The following CACNA1E variants were observed in gnomAD, a reference collection of about 807,000 sequenced individuals.
CACNA1E encodes the protein voltage-dependent R-type calcium channel subunit alpha-1E.
A neutral mutation model predicts 259.2 loss-of-function variants in CACNA1E; 40 were observed. The ratio of observed to expected loss-of-function variants is 0.15; its 90% CI spans 0.12 to 0.20. CACNA1E has a LOEUF of 0.20. Ranked by LOEUF, CACNA1E falls within the 10% of genes least tolerant of loss-of-function variation. The pLI is 1.00. For missense variants in CACNA1E, 1,874 were observed against 3,040.1 expected (o/e 0.62, Z 9.02); for synonymous variants, 1,104 against 1,138.5 (o/e 0.97, Z 0.61).
At chr1:181,418,847 C>T (rs536245941) in intron 2 of CACNA1E, among the ~76,000 whole-genome samples, 1 of 151,962 alleles carries the variant, frequency 6.6e-6, no homozygotes, top group East Asian at 1.9e-4. Context: ...ATTCCACACA[C>T]GTATATGATA....
At chr1:181,764,863 C>T (rs1658891857) in intron 34 of CACNA1E, among the ~76,000 whole-genome samples, 1 of 152,000 alleles carries the variant, frequency 6.6e-6, no homozygotes, top group African/African-American at 2.4e-5. Context: ...CATATTATCA[C>T]AATCACCAAG....
intron 3 of CACNA1E, among the ~76,000 whole-genome samples, chr1:181,536,356 C>T (rs1572135402): frequency 1.3e-5 from 2 of 152,010 alleles, no homozygotes; most frequent in African/African-American, 4.8e-5. Flanking sequence ...GGGAACACTG[C>T]TCAGTTCAGT....
At position 181,425,477 on chromosome 1, in the gene CACNA1E, G is replaced by A. The variant is rs192575065; in HGVS notation, c.434+11897G>A. Among the ~76,000 whole-genome samples the A allele has an allele frequency of 2.5e-3, 365 of 145,880 alleles. 1 individual carries two copies. Among genetic ancestry groups the A allele is most frequent in the African/African-American group, 9.0e-3 (349 of 38,838 alleles). ...GAGGTGAACATAATTGGAGGAATTC[G>A]CTTTGGCCTTTTTGGCTGAAAAAAA... On this transcript the variant is annotated intron_variant, in intron 2 of 11. Coordinates refer to the CACNA1E transcript ENST00000524607.
intron 3 of CACNA1E, among the ~76,000 whole-genome samples, chr1:181,575,603 A>G (rs1196932295): frequency 1.3e-5 from 2 of 152,188 alleles, no homozygotes; most frequent in African/African-American, 4.8e-5. Flanking sequence ...GTTCTGAAAC[A>G]TAACTGTTAA....
rs760283783 is a variant in CACNA1E, at chr1:181,756,975, G to T, written c.4178G>T (p.Arg1393Leu). 6.2e-7 allele frequency: 1 copy of T among 1,613,584 alleles called. No individual in the cohort carries two copies. The highest frequency in any genetic ancestry group is 1.3e-5 in the African/African-American group (1 of 74,938). The change falls in exon 30 of 48, where the codon CGC becomes CTC. Residue 1393 changes from arginine to leucine, a missense_variant. Arg to Leu is a moderately radical substitution (Grantham distance 102, BLOSUM62 -2). Transcript: ENST00000367573. The stretch of plus-strand genomic sequence containing the variant: ...ACAGAGGAAGACCGAGGCCCAAGCC[G>T]CAGCAACCGCATGGAGATGTCTATC... The part of the protein sequence containing the change: ...DVTEEDRGPS[R>L]SNRMEMSIFY...
At chr1:181,641,696 A>ATTTTTTT (rs1369217611) in intron 6 of CACNA1E, among the ~76,000 whole-genome samples, 13 of 104,090 alleles carry the variant, frequency 1.2e-4, no homozygotes, top group African/African-American at 2.8e-4. Context: ...GGCAACACTA[A>ATTTTTTT]TTTTTTGTTT....
intron 1 of CACNA1E, among the ~76,000 whole-genome samples, chr1:181,507,743 A>G (rs890716668): frequency 1.3e-5 from 2 of 152,210 alleles, no homozygotes; most frequent in Non-Finnish European, 2.9e-5. Flanking sequence ...TAGACCCCAC[A>G]TAGACCCATT....
At position 181,793,727 on chromosome 1, in the gene CACNA1E, G is replaced by A. The variant is rs375614463; in HGVS notation, c.5961G>A (p.Ser1987=). The change falls in exon 45 of 48, where the codon TCG becomes TCA. Residue 1987 remains serine, a synonymous_variant. Transcript: ENST00000367573. ...CTAACCATGGCATCTACCTTCCTTC[G>A]GACACCCAGGAGCATGCGGGATCTG... ...QPSNHGIYLP[S]DTQEHAGSGR... 20 of 1,611,224 alleles carry A rather than the reference G, an allele frequency of 1.2e-5. No homozygotes were observed. Among genetic ancestry groups the A allele is most frequent in the Admixed American group, 8.4e-5 (5 of 59,834 alleles).
At chr1:181,771,801 T>TG in intron 36 of CACNA1E, among the ~76,000 whole-genome samples, 1 of 152,262 alleles carries the variant, frequency 6.6e-6, no homozygotes, top group South Asian at 2.1e-4. Context: ...TAGCCAGGTT[T>TG]ATGCTGGGTC....
In CACNA1E at chr1:181,322,649, T is replaced by TAAC. The variant is rs1277259040; in HGVS notation, c.-15+4527_-15+4529dup. Among the ~76,000 whole-genome samples, 5 of 152,276 alleles carry TAAC rather than the reference T, an allele frequency of 3.3e-5. No homozygotes were observed. In the East Asian group the frequency reaches 7.7e-4, roughly 23 times the overall value. On this transcript the variant is annotated intron_variant, in intron 1 of 11. Coordinates refer to the CACNA1E transcript ENST00000524607. ...TGCAATACATGCATGGACTTGGGGG[T>TAAC]AACTGCACTGAATGAGGTTATAGAA... is the stretch of plus-strand genomic sequence containing the variant.
At chr1:181,712,947 C>T (rs1653526733) in intron 8 of CACNA1E, among the ~76,000 whole-genome samples, 1 of 152,186 alleles carries the variant, frequency 6.6e-6, no homozygotes, top group African/African-American at 2.4e-5. Flanking sequence ...GCTTCCCTTT[C>T]TTCCAGTTGG....
At chr1:181,682,675 G>T (rs1246505640) in intron 7 of CACNA1E, among the ~76,000 whole-genome samples, 1 of 152,188 alleles carries the variant, frequency 6.6e-6, no homozygotes, top group Non-Finnish European at 1.5e-5. Flanking sequence ...TTCTGGGGAG[G>T]CCTCAAGAAA....
intron 40 of CACNA1E, among the ~76,000 whole-genome samples, 182 bp downstream of exon 40, chr1:181,783,966 T>A (rs937801502): frequency 1.3e-5 from 2 of 152,224 alleles, no homozygotes; most frequent in African/African-American, 4.8e-5. Context: ...GTACAGTGAA[T>A]GGTTTGATAA....
At chr1:181,759,887 G>A (rs560329261) in intron 32 of CACNA1E, among the ~76,000 whole-genome samples, 5 of 152,230 alleles carry the variant, frequency 3.3e-5, no homozygotes, top group Non-Finnish European at 5.9e-5. Context: ...GTCTCCCAGC[G>A]GTTCTTTGAA....
At chr1:181,750,420 T>G in intron 25 of CACNA1E, 56 bp from the exon 26 acceptor site, 1 of 1,565,502 alleles carries the variant, frequency 6.4e-7, no homozygotes, top group East Asian at 2.2e-5. Flanking sequence ...CCAACCCCAT[T>G]TTTTTGTTTT....
At chr1:181,734,650 C>A (rs12563124) in intron 21 of CACNA1E, among the ~76,000 whole-genome samples, 16,075 of 130,086 alleles carry the variant, frequency 0.12, 602 homozygotes, top group South Asian at 0.2. Flanking sequence ...CTCATCCCTG[C>A]ATTATGAATT....
chr1:181,458,528 TAGAA>T (rs1407530834), intron 2 of CACNA1E, among the ~76,000 whole-genome samples: 2 of 152,106 alleles, frequency 1.3e-5, no homozygotes, highest in Non-Finnish European at 2.9e-5. Flanking sequence ...CATCAACACT[TAGAA>T]AGAGAAAAGA....
At chr1:181,423,874 C>T (rs1357972920) in intron 2 of CACNA1E, among the ~76,000 whole-genome samples, 2 of 152,100 alleles carry the variant, frequency 1.3e-5, no homozygotes, top group Admixed American at 6.5e-5. Flanking sequence ...GTTGAATTAT[C>T]GGATATTTTA....
chr1:181,419,621 C>A (rs1658573235), intron 2 of CACNA1E, among the ~76,000 whole-genome samples: 2 of 152,238 alleles, frequency 1.3e-5, no homozygotes, highest in Non-Finnish European at 2.9e-5. Context: ...GAAAGCAGGG[C>A]CTTTGTCTTA....
Sources: gnomAD v4.1 joint callset for allele counts (sites outside exome capture counted in the v4.1 genomes callset) on GRCh38, gnomAD v4.1.1 for gene constraint, MANE v1.5 for transcripts, NCBI Gene and HGNC (gene_info 2026-07-23, HGNC 2026-07-21) for gene names.